Variants in GIGYF2 observed in about 807,000 individuals in gnomAD.
The protein encoded by GIGYF2 is GRB10-interacting GYF protein 2.
A neutral mutation model predicts 208.1 loss-of-function variants in GIGYF2; 25 were observed. The observed-to-expected ratio is 0.12, with a 90% confidence interval of 0.09 to 0.17. The LOEUF (loss-of-function observed/expected upper bound fraction) is 0.17, where lower values mean the gene tolerates loss of function less well. GIGYF2 is among the 10% of genes least tolerant of loss of function. The pLI is 1.00. For synonymous variants in GIGYF2, 534 were observed against 543.8 expected (o/e 0.98, Z 0.25); for missense variants, 1,302 against 1,579.4 (o/e 0.82, Z 2.98).
intron 28 of GIGYF2, 23 bp from the exon 29 acceptor site, chr2:232,856,770 C>T (rs772259360): frequency 3.8e-6 from 6 of 1,569,310 alleles, no homozygotes; most frequent in Non-Finnish European, 4.4e-6. Context: ...TGTGGTCACT[C>T]ATAGCCAGTT....
intron 28 of GIGYF2, 93 bp from the exon 29 acceptor site, chr2:232,856,700 A>G (rs1266606068): frequency 3.5e-6 from 3 of 850,772 alleles, no homozygotes; most frequent in Non-Finnish European, 6.2e-6. Context: ...TCACAAACAA[A>G]CAAACACAGA....
chr2:232,741,516 C>T (rs1183032228), intron 3 of GIGYF2, among the ~76,000 whole-genome samples: 1 of 148,858 alleles, frequency 6.7e-6, no homozygotes, highest in Non-Finnish European at 1.5e-5. Context: ...GATCTCGGCT[C>T]ACTGCAACTT....
At chr2:232,708,671 T>TAAAA (rs11365519) in intron 2 of GIGYF2, among the ~76,000 whole-genome samples, 2 of 120,398 alleles carry the variant, frequency 1.7e-5, no homozygotes, top group Admixed American at 1.7e-4. Context: ...CTCATTTCTT[T>TAAAA]AAAAAAAAAA....
At chr2:232,738,923 A>G (rs1431212961) in intron 3 of GIGYF2, among the ~76,000 whole-genome samples, 2 of 152,228 alleles carry the variant, frequency 1.3e-5, no homozygotes. Flanking sequence ...ACAAAACACT[A>G]AGCACCGTCT....
intron 3 of GIGYF2, 179 bp downstream of exon 3, chr2:232,735,417 A>G (rs1697692191): frequency 5.8e-6 from 3 of 520,714 alleles, no homozygotes; most frequent in African/African-American, 2.0e-5. Context: ...AGTGTATTCT[A>G]TACTTAATTA....
chr2:232,761,293 T>A, intron 7 of GIGYF2, 103 bp from the exon 8 acceptor site: 1 of 750,240 alleles, frequency 1.3e-6, no homozygotes, highest in Non-Finnish European at 2.4e-6. Context: ...TGTTTTGTAA[T>A]TTGAAGAAGA....
Position 232,798,966 on chromosome 2 carries a change from AGG to A in GIGYF2, c.1639+2747_1639+2748del, listed in dbSNP as rs1559440883. ...CCAGTCCCTGGCAATTACCATTGCC[AGG>A]GACTGGAGGAAATCTGTTTCTATGA... On this transcript the variant is annotated intron_variant, in intron 14 of 28. Transcript: ENST00000373563. Among the ~76,000 whole-genome samples, 2 of 150,300 alleles carry A rather than the reference AGG, an allele frequency of 1.3e-5. 1 individual carries two copies. The highest frequency in any genetic ancestry group is 3.9e-4 in the East Asian group (2 of 5,090).
At position 232,768,795 on chromosome 2, in the gene GIGYF2, A is replaced by G. The variant is rs564363265; in HGVS notation, c.532+7359A>G. On this transcript the variant is annotated intron_variant, in intron 8 of 28. Coordinates refer to ENST00000373563, the MANE Select transcript of GIGYF2 (RefSeq NM_001103146.3). ...AAAAGCTCGATTTTTTGGCCGGGCA[A>G]TCTTCGCCACAAAAGCACCTAAATA... is the stretch of plus-strand genomic sequence containing the variant. The G allele has an allele frequency of 8.7e-6, 14 of 1,605,596 alleles. No individual in the cohort carries two copies. Among genetic ancestry groups the G allele is most frequent in the Admixed American group, 5.1e-5 (3 of 59,360 alleles).
At chr2:232,707,262 G>A (rs982426051) in intron 2 of GIGYF2, among the ~76,000 whole-genome samples, 10 of 152,168 alleles carry the variant, frequency 6.6e-5, no homozygotes, top group Non-Finnish European at 1.3e-4. Context: ...CCTGGGCCAG[G>A]AGGAAGTCTT....
At chr2:232,733,857 C>T (rs1486171476) in intron 2 of GIGYF2, among the ~76,000 whole-genome samples, 1 of 152,174 alleles carries the variant, frequency 6.6e-6, no homozygotes, top group African/African-American at 2.4e-5. Flanking sequence ...AAAGAAGTGT[C>T]TATACATGTT....
At chr2:232,783,408 AT>A (rs907023234) in intron 8 of GIGYF2, among the ~76,000 whole-genome samples, 2 of 149,322 alleles carry the variant, frequency 1.3e-5, no homozygotes, top group African/African-American at 2.5e-5. Context: ...TTTGTTTTTT[AT>A]TTTTTTTGGC....
chr2:232,813,376 AT>A (rs1306077153), intron 18 of GIGYF2, among the ~76,000 whole-genome samples: 1 of 151,370 alleles, frequency 6.6e-6, no homozygotes, highest in Non-Finnish European at 1.5e-5. Context: ...CACCTGACTA[AT>A]TTTTGTATTT....
intron 1 of GIGYF2, 131 bp from the exon 2 acceptor site, chr2:232,703,293 C>T (rs1695939505): frequency 6.6e-6 from 1 of 152,538 alleles, no homozygotes; most frequent in African/African-American, 2.4e-5. Flanking sequence ...ATAAATACAC[C>T]AGGTGATCTA....
At chr2:232,851,016 C>A (rs1690292982) in intron 28 of GIGYF2, among the ~76,000 whole-genome samples, 1 of 152,110 alleles carries the variant, frequency 6.6e-6, no homozygotes, top group African/African-American at 2.4e-5. Flanking sequence ...CTGTGTTACC[C>A]ACGGCTATTT....
At chr2:232,800,730 C>T (rs2106374332) in intron 14 of GIGYF2, among the ~76,000 whole-genome samples, 1 of 152,014 alleles carries the variant, frequency 6.6e-6, no homozygotes, top group South Asian at 2.1e-4. Context: ...CACCACCATA[C>T]TCAGCTAATT....
At chr2:232,784,464 A>G (rs903347176) in intron 8 of GIGYF2, among the ~76,000 whole-genome samples, 9 of 127,680 alleles carry the variant, frequency 7.0e-5, no homozygotes, top group African/African-American at 2.7e-4. Flanking sequence ...ATCTGGGCTC[A>G]CTGCAAGCTC....
intron 14 of GIGYF2, among the ~76,000 whole-genome samples, chr2:232,800,156 C>T (rs1416807510): frequency 6.7e-6 from 1 of 149,500 alleles, no homozygotes; most frequent in Admixed American, 6.7e-5. Context: ...TCTATTTTTG[C>T]TTTGTTGCCT....
At position 232,857,038 on chromosome 2, in the gene GIGYF2, T is replaced by C. The variant is rs1245327858; in HGVS notation, c.*178T>C. On this transcript the variant is annotated 3_prime_UTR_variant, in exon 29 of 29. Transcript: ENST00000373563. ...CCAAGATTCTTTAATCCATTTTTGT[T>C]GGTGAACATCTCAGACTATAGATAA... 1.5e-6 allele frequency: 1 copy of C among 659,480 alleles called. No homozygotes were observed. The highest frequency in any genetic ancestry group is 2.8e-6 in the Non-Finnish European group (1 of 361,942). 40.9% of individuals were successfully genotyped at this position (659,480 alleles called of 1,614,324 possible). A position where few individuals can be genotyped will look rare whatever the true frequency, so the allele number is the denominator to read the frequency against.
chr2:232,803,009 C>T lies in GIGYF2; in HGVS notation c.1640-3482C>T, dbSNP rs150642923. ...CTGTCTCCCGAGCTCAAGCAGTTCT[C>T]CTGCCTCAGCCTCCTGAGTAGCTGA... is the stretch of plus-strand genomic sequence containing the variant. On this transcript the variant is annotated intron_variant, in intron 14 of 28. Transcript: ENST00000373563. Among the ~76,000 whole-genome samples, 1,339 of 152,064 alleles carry T rather than the reference C, an allele frequency of 8.8e-3. 27 individuals carry two copies. Among genetic ancestry groups the T allele is most frequent in the African/African-American group, 0.03 (1,253 of 41,468 alleles).
Sources: gnomAD v4.1 joint callset for allele counts (sites outside exome capture counted in the v4.1 genomes callset) on GRCh38, gnomAD v4.1.1 for gene constraint, MANE v1.5 for transcripts, NCBI Gene and HGNC (gene_info 2026-07-23, HGNC 2026-07-21) for gene names.